Variants in NINJ2 observed in about 807,000 individuals in gnomAD.
NINJ2 encodes ninjurin 2.
A neutral mutation model predicts 11.7 loss-of-function variants in NINJ2; 12 were observed. The observed-to-expected ratio is 1.02, with a 90% CI of 0.66 to 1.66. The LOEUF is 1.66. Ranked by LOEUF, NINJ2 falls within the 40% of genes most tolerant of loss-of-function variation. The pLI, the probability that NINJ2 is intolerant of heterozygous loss-of-function variation, is 0.00. For synonymous variants in NINJ2, 93 were observed against 76.8 expected, an observed-to-expected ratio of 1.21 and a Z score of -1.10; for missense variants, 187 against 181.8, an observed-to-expected ratio of 1.03 and a Z score of -0.16.
chr12:623,366 A>C (rs531059476), intron 1 of NINJ2, among the ~76,000 whole-genome samples: 14 of 152,092 alleles, frequency 9.2e-5, no homozygotes, highest in Admixed American at 4.6e-4. Context: ...CTCTCCCTTC[A>C]CCTCAGGCCC....
Position 566,026 on chromosome 12 carries a change from G to C in NINJ2, c.186C>G (p.Tyr62Ter), listed in dbSNP as rs752392590. 2.5e-6 allele frequency: 4 copies of C among 1,614,220 alleles called. No homozygotes were observed. In the Admixed American group the frequency reaches 6.7e-5, roughly 27 times the overall value. The change falls in exon 2 of 4, where the codon TAC (tyrosine) becomes TAG (stop). Residue 62 changes from tyrosine to a stop codon, truncating the protein, a stop_gained. Transcript: ENST00000305108. LOFTEE classifies it high-confidence loss of function. ...AVLEQGPSSHYYTTLVTLISL... is the reference protein window; with the variant it reads ...AVLEQGPSSH ...TGATGAGGGTGACCAGGGTGGTGTAGTAGTGAGAGGATGGTCCCTGCTCCA... is the reference window on the plus strand; with the variant it reads ...TGATGAGGGTGACCAGGGTGGTGTACTAGTGAGAGGATGGTCCCTGCTCCA...
intron 1 of NINJ2, among the ~76,000 whole-genome samples, chr12:568,037 T>C (rs11063627): frequency 0.066 from 10,047 of 152,166 alleles, 393 homozygotes; most frequent in East Asian, 0.19. Context: ...AACTCTGAAA[T>C]GCAGTAGTCT....
intron 1 of NINJ2, among the ~76,000 whole-genome samples, chr12:630,541 A>AT (rs895967962): frequency 2.6e-5 from 4 of 151,574 alleles, no homozygotes; most frequent in Non-Finnish European, 5.9e-5. Context: ...CGCCTGGCTA[A>AT]TTTTTTTTGT....
intron 1 of NINJ2, among the ~76,000 whole-genome samples, chr12:655,898 G>A (rs1937865987): frequency 6.6e-6 from 1 of 151,684 alleles, no homozygotes; most frequent in Non-Finnish European, 1.5e-5. Flanking sequence ...GGGTGACAGA[G>A]CAAGACTCCA....
At chr12:588,383 A>G (rs1947672718) in intron 1 of NINJ2, among the ~76,000 whole-genome samples, 1 of 152,244 alleles carries the variant, frequency 6.6e-6, no homozygotes, top group African/African-American at 2.4e-5. Flanking sequence ...GGATTAATAC[A>G]TTTGACTGCA....
At chr12:601,468 A>T (rs1947870341) in intron 1 of NINJ2, among the ~76,000 whole-genome samples, 1 of 151,982 alleles carries the variant, frequency 6.6e-6, no homozygotes, top group Non-Finnish European at 1.5e-5. Context: ...GAATGGTGTG[A>T]ACCTGGGAGG....
intron 1 of NINJ2, among the ~76,000 whole-genome samples, chr12:648,319 C>T (rs1326786748): frequency 6.6e-6 from 1 of 152,236 alleles, no homozygotes; most frequent in African/African-American, 2.4e-5. Flanking sequence ...CTCAGATGAT[C>T]CGCCTGCCTT....
intron 1 of NINJ2, among the ~76,000 whole-genome samples, chr12:605,399 A>G (rs1211989021): frequency 1.3e-5 from 2 of 152,226 alleles, no homozygotes; most frequent in African/African-American, 4.8e-5. Flanking sequence ...TTCCTATCGG[A>G]AAAGACTACC....
intron 1 of NINJ2, among the ~76,000 whole-genome samples, chr12:636,455 G>C (rs890727686): frequency 6.6e-6 from 1 of 151,654 alleles, no homozygotes; most frequent in African/African-American, 2.4e-5. Flanking sequence ...CAGAATGGGA[G>C]AAAATATTTG....
chr12:657,657 A>G (rs1370176796), intron 1 of NINJ2, among the ~76,000 whole-genome samples: 1 of 152,186 alleles, frequency 6.6e-6, no homozygotes, highest in African/African-American at 2.4e-5. Context: ...CACCTCACTA[A>G]AGAAGATGCA....
At chr12:662,319 C>T (rs985318355) in intron 1 of NINJ2, among the ~76,000 whole-genome samples, 1 of 152,132 alleles carries the variant, frequency 6.6e-6, no homozygotes, top group Admixed American at 6.5e-5. Flanking sequence ...AGCAGTCCTA[C>T]AGTTCCCTGG....
chr12:638,259 G>C (rs1005188836), intron 1 of NINJ2, among the ~76,000 whole-genome samples: 2 of 152,192 alleles, frequency 1.3e-5, no homozygotes, highest in East Asian at 3.8e-4. Context: ...TTTCAGGGAG[G>C]CTGGAAGAAC....
At chr12:584,589 T>C (rs1314860174) in intron 1 of NINJ2, among the ~76,000 whole-genome samples, 1 of 150,836 alleles carries the variant, frequency 6.6e-6, no homozygotes, top group African/African-American at 2.4e-5. Flanking sequence ...GTGGATCATC[T>C]GAGATGAGGA....
chr12:596,933 CAA>C (rs199948813), intron 1 of NINJ2, among the ~76,000 whole-genome samples: 2 of 146,928 alleles, frequency 1.4e-5, no homozygotes, highest in Non-Finnish European at 3.0e-5. Context: ...AAAAAAAAAA[CAA>C]AAAAAAATGG....
chr12:603,800 A>G (rs1243433074), intron 1 of NINJ2, among the ~76,000 whole-genome samples: 1 of 151,998 alleles, frequency 6.6e-6, no homozygotes, highest in Non-Finnish European at 1.5e-5. Context: ...AGCTGGGACT[A>G]CAGGCACGCA....
At chr12:612,527 A>G (rs948484244) in intron 1 of NINJ2, among the ~76,000 whole-genome samples, 4 of 152,176 alleles carry the variant, frequency 2.6e-5, no homozygotes, top group African/African-American at 9.7e-5. Flanking sequence ...CACGGACTAC[A>G]TGAACCAAGA....
chr12:599,953 C>G lies in NINJ2; in HGVS notation c.34-33775G>C, dbSNP rs1166801593. On this transcript the variant is annotated intron_variant, in intron 1 of 3. Coordinates refer to ENST00000305108, the MANE Select transcript of NINJ2 (RefSeq NM_016533.6). ...TTTGAGCAGCTCTGGCCCAGCCCGC[C>G]TCCTTCTGCCCAGCTGCCAGGGCCC... 8.5e-5 allele frequency among the ~76,000 whole-genome samples: 13 copies of G among 152,352 alleles called. No homozygotes were observed. The East Asian group carries it at 2.5e-3, about 29-fold the overall frequency.
Position 601,526 on chromosome 12 carries a change from C to T in NINJ2, c.34-35348G>A, listed in dbSNP as rs1382742005. On this transcript the variant is annotated intron_variant, in intron 1 of 3. Coordinates refer to ENST00000305108, the MANE Select transcript of NINJ2 (RefSeq NM_016533.6). Reference sequence around the variant, plus strand: ...TCAGGCCACTGCACTCCAGCCTGGGCCACAGAAGCAAGACTCCGTCTCAAA... The same window carrying T: ...TCAGGCCACTGCACTCCAGCCTGGGTCACAGAAGCAAGACTCCGTCTCAAA... Among the ~76,000 whole-genome samples the T allele has an allele frequency of 3.4e-5, 5 of 147,300 alleles. No individual in the cohort carries two copies. In the South Asian group the frequency reaches 1.1e-3, roughly 32 times the overall value.
chr12:642,331 A>C (rs1948428860), intron 1 of NINJ2, among the ~76,000 whole-genome samples: 1 of 152,184 alleles, frequency 6.6e-6, no homozygotes, highest in Admixed American at 6.5e-5. Context: ...CCCGAGTTCA[A>C]GCGATCCTCC....
Sources: allele counts gnomAD v4.1 joint callset (sites outside exome capture counted in the v4.1 genomes callset), GRCh38; gene constraint gnomAD v4.1.1; transcripts MANE v1.5; gene names NCBI Gene and HGNC (gene_info 2026-07-23, HGNC 2026-07-21).